EPHA3: variants seen among roughly 807,000 people sequenced by gnomAD.
EPHA3 encodes EPH receptor A3, also known as ephrin type-A receptor 3.
A neutral mutation model predicts 107.1 loss-of-function variants in EPHA3; 42 were observed. The ratio of observed to expected loss-of-function variants is 0.39; its 90% CI spans 0.31 to 0.51. EPHA3 has a LOEUF of 0.51. Ranked by LOEUF, EPHA3 falls within the 20% of genes least tolerant of loss-of-function variation. The pLI is 0.78. For missense variants in EPHA3, 1,183 were observed against 1,211.2 expected (o/e 0.98, Z 0.35); for synonymous variants, 461 against 424.8 (o/e 1.09, Z -1.05).
intron 3 of EPHA3, among the ~76,000 whole-genome samples, chr3:89,213,902 C>T (rs79029816): frequency 0.053 from 7,985 of 151,922 alleles, 325 homozygotes; most frequent in East Asian, 0.18. Context: ...TCCTCTTTGC[C>T]TTTAGCAGTT....
At chr3:89,321,371 A>G (rs530895612) in intron 3 of EPHA3, among the ~76,000 whole-genome samples, 5 of 152,068 alleles carry the variant, frequency 3.3e-5, no homozygotes, top group Non-Finnish European at 7.4e-5. Flanking sequence ...CTTTTCCTAC[A>G]TGAAAAATGC....
intron 2 of EPHA3, among the ~76,000 whole-genome samples, chr3:89,180,855 T>C (rs552905539): frequency 4.0e-4 from 61 of 152,082 alleles, no homozygotes; most frequent in African/African-American, 1.4e-3. Context: ...AAGTTTAGTT[T>C]GTGTAATTTG....
intron 3 of EPHA3, among the ~76,000 whole-genome samples, chr3:89,332,697 G>A (rs763605389): frequency 6.6e-5 from 10 of 152,146 alleles, no homozygotes; most frequent in Non-Finnish European, 1.5e-4. Flanking sequence ...ACCCTGTCAG[G>A]CCTGGAATTG....
At chr3:89,219,603 T>C (rs1704302810) in intron 3 of EPHA3, among the ~76,000 whole-genome samples, 1 of 151,524 alleles carries the variant, frequency 6.6e-6, no homozygotes, top group Admixed American at 6.6e-5. Flanking sequence ...ATACAGATCA[T>C]TCCAGGGTAT....
intron 3 of EPHA3, among the ~76,000 whole-genome samples, chr3:89,242,449 G>GT (rs1379326051): frequency 6.6e-6 from 1 of 151,980 alleles, no homozygotes; most frequent in African/African-American, 2.4e-5. Context: ...TTGTTTGTTT[G>GT]TTTTTTGAGA....
At chr3:89,170,359 G>A (rs1705183526) in intron 2 of EPHA3, among the ~76,000 whole-genome samples, 1 of 152,058 alleles carries the variant, frequency 6.6e-6, no homozygotes, top group Admixed American at 6.6e-5. Context: ...TAATCTGTGA[G>A]ATAGCTTTTA....
intron 5 of EPHA3, among the ~76,000 whole-genome samples, chr3:89,342,894 C>CACAA (rs1162105681): frequency 1.3e-5 from 2 of 150,350 alleles, no homozygotes; most frequent in African/African-American, 4.9e-5. Flanking sequence ...CACACACACA[C>CACAA]AAACATTGGA....
intron 16 of EPHA3, among the ~76,000 whole-genome samples, chr3:89,473,857 A>AT (rs1710455699): frequency 6.6e-6 from 1 of 152,188 alleles, no homozygotes; most frequent in Non-Finnish European, 1.5e-5. Flanking sequence ...AAAGAAGTGT[A>AT]TACTGGATAG....
intron 2 of EPHA3, among the ~76,000 whole-genome samples, chr3:89,188,680 TA>T (rs1307022514): frequency 1.3e-5 from 2 of 152,146 alleles, no homozygotes; most frequent in South Asian, 4.1e-4. Flanking sequence ...CTAACTAATA[TA>T]TCCAAGATAC....
intron 2 of EPHA3, among the ~76,000 whole-genome samples, chr3:89,203,522 C>T (rs1241629349): frequency 6.6e-6 from 1 of 151,920 alleles, no homozygotes; most frequent in Admixed American, 6.6e-5. Flanking sequence ...GCCTGTAAAC[C>T]TAGCACTTTG....
At chr3:89,346,710 G>A (rs1352602373) in intron 5 of EPHA3, among the ~76,000 whole-genome samples, 1 of 150,568 alleles carries the variant, frequency 6.6e-6, no homozygotes, top group African/African-American at 2.4e-5. Context: ...TGTCCTGAAT[G>A]GTATTGCCTA....
intron 2 of EPHA3, among the ~76,000 whole-genome samples, chr3:89,166,214 C>T (rs577499191): frequency 7.9e-5 from 12 of 152,196 alleles, no homozygotes; most frequent in South Asian, 4.1e-4. Flanking sequence ...TCTCATTCTT[C>T]GTTTATCTTC....
At chr3:89,316,517 T>TATATA (rs1404176086) in intron 3 of EPHA3, among the ~76,000 whole-genome samples, 2 of 142,382 alleles carry the variant, frequency 1.4e-5, no homozygotes, top group Admixed American at 1.4e-4. Context: ...TATATATATA[T>TATATA]ATATATATAT....
chr3:89,394,354 C>T (rs1489385287), intron 5 of EPHA3, among the ~76,000 whole-genome samples: 2 of 152,142 alleles, frequency 1.3e-5, no homozygotes, highest in Non-Finnish European at 2.9e-5. Context: ...GATCACATCA[C>T]TACACTCTAG....
At chr3:89,373,382 C>T (rs1406513202) in intron 5 of EPHA3, among the ~76,000 whole-genome samples, 1 of 151,790 alleles carries the variant, frequency 6.6e-6, no homozygotes, top group Non-Finnish European at 1.5e-5. Flanking sequence ...TTTATGTAGG[C>T]TTTATATAGA....
chr3:89,417,788 T>C (rs1402074044), intron 10 of EPHA3, among the ~76,000 whole-genome samples: 1 of 151,458 alleles, frequency 6.6e-6, no homozygotes, highest in Non-Finnish European at 1.5e-5. Flanking sequence ...TATCTCTGTG[T>C]GTTTTATACT....
intron 5 of EPHA3, among the ~76,000 whole-genome samples, chr3:89,353,045 G>A (rs1198129085): frequency 6.6e-6 from 1 of 150,628 alleles, no homozygotes; most frequent in African/African-American, 2.4e-5. Context: ...TTTTCTTTTG[G>A]AACTTAGTGT....
Position 89,431,284 on chromosome 3 carries a change from C to T in EPHA3, c.2271C>T (p.Asn757=). 1 of 1,613,662 alleles carries T rather than the reference C, an allele frequency of 6.2e-7. No individual in the cohort carries two copies. Among genetic ancestry groups the T allele is most frequent in the Non-Finnish European group, 8.5e-7 (1 of 1,179,922 alleles). Reference sequence around the variant, plus strand: ...CTCGGAACATCTTGATCAACAGTAACTTGGTGTGTAAGGTTTCTGATTTCG... The same window carrying T: ...CTCGGAACATCTTGATCAACAGTAATTTGGTGTGTAAGGTTTCTGATTTCG... ...LAARNILINS[N]LVCKVSDFGL... The change falls in exon 13 of 17, where the codon AAC becomes AAT. Residue 757 remains asparagine, a synonymous_variant. Coordinates refer to ENST00000336596, the MANE Select transcript of EPHA3 (RefSeq NM_005233.6).
In EPHA3 at chr3:89,143,159, G is replaced by GA. The variant is rs558081132; in HGVS notation, c.153+15894dup. On this transcript the variant is annotated intron_variant, in intron 2 of 16. Transcript: ENST00000336596. ...TCTGCACGATACCTACAGAGTTTGG[G>GA]AAAAAAAATTAAATTGTTTTTAATG... is the stretch of plus-strand genomic sequence containing the variant. 3.1e-3 allele frequency among the ~76,000 whole-genome samples: 475 copies of GA among 150,996 alleles called. 1 individual carries two copies. The highest frequency in any genetic ancestry group is 5.6e-3 in the Non-Finnish European group (378 of 67,420).
Sources: gnomAD v4.1 joint callset for allele counts (sites outside exome capture counted in the v4.1 genomes callset) on GRCh38, gnomAD v4.1.1 for gene constraint, MANE v1.5 for transcripts, NCBI Gene and HGNC (gene_info 2026-07-23, HGNC 2026-07-21) for gene names.